D2HGDH: variants seen among roughly 807,000 people sequenced by gnomAD.
D2HGDH encodes the protein D-2-hydroxyglutarate dehydrogenase, mitochondrial.
D2HGDH carries 31 observed loss-of-function variants against 46.9 expected under a neutral mutation model. The observed-to-expected ratio is 0.66, with a 90% CI of 0.50 to 0.89. The LOEUF (loss-of-function observed/expected upper bound fraction) is 0.89, where lower values mean the gene tolerates loss of function less well. D2HGDH is among the 40% of genes least tolerant of loss of function. The pLI, the probability that D2HGDH is intolerant of heterozygous loss-of-function variation, is 0.00. For synonymous variants in D2HGDH, 364 were observed against 332.6 expected (o/e 1.09, Z -1.03); for missense variants, 698 against 720.8 (o/e 0.97, Z 0.36).
chr2:241,740,812 G>A (rs1262979410), intron 2 of D2HGDH, among the ~76,000 whole-genome samples: 3 of 152,190 alleles, frequency 2.0e-5, no homozygotes, highest in Non-Finnish European at 2.9e-5. Context: ...AGGTGTGGTG[G>A]CGGGTGCCTA....
At chr2:241,749,080 C>T in intron 6 of D2HGDH, 2 of 1,004,788 alleles carry the variant, frequency 2.0e-6, no homozygotes, top group Non-Finnish European at 2.4e-6. Context: ...TCAGCCCTGG[C>T]TCCTGCTCTC....
rs145300657 is a variant in D2HGDH, at chr2:241,767,759, G to A, written c.1356G>A (p.Ser452=). 4.0e-5 allele frequency: 65 copies of A among 1,612,556 alleles called. No homozygotes were observed. The highest frequency in any genetic ancestry group is 1.0e-4 in the Admixed American group (6 of 59,968). The change falls in exon 10 of 10, where the codon TCG becomes TCA. Residue 452 remains serine, a synonymous_variant. Transcript: ENST00000321264. ...LNVTAEAFSP[S]LLAALEPHVY... is the part of the protein sequence containing the mutation. ...TGACGGCGGAGGCCTTCAGCCCCTCGCTCCTGGCTGCCCTGGAGCCCCACG... is the reference window on the plus strand; with the variant it reads ...TGACGGCGGAGGCCTTCAGCCCCTCACTCCTGGCTGCCCTGGAGCCCCACG...
chr2:241,759,546 T>C (rs1264823942), intron 9 of D2HGDH, among the ~76,000 whole-genome samples: 2 of 152,200 alleles, frequency 1.3e-5, no homozygotes, highest in Non-Finnish European at 2.9e-5. Context: ...TCCTTAGTGA[T>C]TTAGATGTGT....
rs907792347 is a variant in D2HGDH at position 241,755,860 on chromosome 2, C to A, written c.1152C>A (p.Ala384=). Residue 384 remains alanine, a synonymous_variant, in exon 9 of 10, where the codon GCC becomes GCA. Transcript: ENST00000321264. The stretch of plus-strand genomic sequence containing the variant: ...GTCTCATCCTCTAGATGCTGTGGGC[C>A]CTGAGGGAAAGGATCACAGAGGCGC... ...TDQRKVKMLW[A]LRERITEALS... The A allele has an allele frequency of 6.2e-7, 1 of 1,612,746 alleles. No individual in the cohort carries two copies. Among genetic ancestry groups the A allele is most frequent in the Admixed American group, 1.7e-5 (1 of 60,014 alleles).
intron 6 of D2HGDH, among the ~76,000 whole-genome samples, chr2:241,746,705 A>G (rs1387000476): frequency 6.6e-6 from 1 of 152,000 alleles, no homozygotes; most frequent in African/African-American, 2.4e-5. Flanking sequence ...CTGGTCAACA[A>G]GGTGAAACCC....
At chr2:241,734,740 T>C (rs1445069749) in intron 1 of D2HGDH, 45 bp downstream of exon 1, 1 of 152,788 alleles carries the variant, frequency 6.5e-6, no homozygotes, top group Non-Finnish European at 1.4e-5. Flanking sequence ...AGGGTCCCGG[T>C]CTGCGGTTCA....
intron 2 of D2HGDH, among the ~76,000 whole-genome samples, chr2:241,739,028 G>A (rs1403519789): frequency 6.6e-6 from 1 of 152,238 alleles, no homozygotes; most frequent in Non-Finnish European, 1.5e-5. Flanking sequence ...GAGCACGCCT[G>A]CACTGGCAGG....
chr2:241,764,018 C>A (rs904931757), intron 9 of D2HGDH, among the ~76,000 whole-genome samples: 1 of 152,232 alleles, frequency 6.6e-6, no homozygotes, highest in African/African-American at 2.4e-5. Flanking sequence ...TGCCCTCCGG[C>A]CTGGGTGACA....
chr2:241,741,676 T>C (rs112960593), intron 3 of D2HGDH, among the ~76,000 whole-genome samples: 1 of 124,530 alleles, frequency 8.0e-6, no homozygotes, highest in Admixed American at 7.9e-5. Context: ...GGGCTTGCTG[T>C]CTCCAGGGTT....
chr2:241,744,920 C>T (rs373879949), intron 6 of D2HGDH, 43 bp downstream of exon 6: 23 of 1,612,338 alleles, frequency 1.4e-5, no homozygotes, highest in South Asian at 9.9e-5. Flanking sequence ...TGGTTGGGCT[C>T]GAGCGTCTGC....
At chr2:241,756,369 C>T (rs887937333) in intron 9 of D2HGDH, among the ~76,000 whole-genome samples, 2 of 152,232 alleles carry the variant, frequency 1.3e-5, no homozygotes, top group African/African-American at 2.4e-5. Flanking sequence ...TCACAGGGCC[C>T]GGCCCCGAGG....
At chr2:241,740,227 C>T (rs1365973130) in intron 2 of D2HGDH, among the ~76,000 whole-genome samples, 1 of 152,082 alleles carries the variant, frequency 6.6e-6, no homozygotes, top group Non-Finnish European at 1.5e-5. Context: ...CTGATTTGGT[C>T]TAGGATAATC....
rs770652109 is a variant in D2HGDH, at chr2:241,735,288, G to C, written c.64G>C (p.Gly22Arg). 1.3e-6 allele frequency: 2 copies of C among 1,525,678 alleles called. No homozygotes were observed. The highest frequency in any genetic ancestry group is 2.0e-5 in the Admixed American group (1 of 49,628). The allele number at this position is 1,525,678 out of a possible 1,614,324, so 94.5% of individuals were successfully genotyped here. A position where few individuals can be genotyped will look rare whatever the true frequency, so the allele number is the denominator to read the frequency against. ...WLLRGAPGAA[G>R]SWGRPVGPLA... ...GTTGCGGGGTGCTCCGGGAGCCGCGGGTTCTTGGGGTCGGCCGGTTGGCCC... is the reference window on the plus strand; with the variant it reads ...GTTGCGGGGTGCTCCGGGAGCCGCGCGTTCTTGGGGTCGGCCGGTTGGCCC... The change falls in exon 2 of 10, where the codon GGT becomes CGT. Residue 22 changes from glycine (G) to arginine (R), a missense_variant. By Grantham distance (125) the Gly-to-Arg change is moderately radical. Transcript: ENST00000321264.
rs111858483 is a variant in D2HGDH, at chr2:241,742,900, C to A, written c.490+326C>A. 7.2e-6 allele frequency among the ~76,000 whole-genome samples: 1 copy of A among 139,608 alleles called. No homozygotes were observed. Among genetic ancestry groups the A allele is most frequent in the East Asian group, 2.1e-4 (1 of 4,712 alleles). The allele number at this position is 139,608 out of a possible 152,430, so 91.6% of individuals were successfully genotyped here. A position where few individuals can be genotyped will look rare whatever the true frequency, so the allele number is the denominator to read the frequency against. ...GGCATGAGGGGATCCTGACCCAGGG[C>A]GCCAGGGCGTGGCAGGCGTGAGGGG... On this transcript the variant is annotated intron_variant, in intron 4 of 9. Coordinates refer to ENST00000321264, the MANE Select transcript of D2HGDH (RefSeq NM_152783.5). This position sits in a 1 kb window ranked among gnomAD's most constrained non-coding sequence, Gnocchi z 4.8.
At chr2:241,762,243 T>C (rs1042899153) in intron 9 of D2HGDH, among the ~76,000 whole-genome samples, 5 of 152,116 alleles carry the variant, frequency 3.3e-5, no homozygotes, top group African/African-American at 1.2e-4. Flanking sequence ...GGCTAATTTT[T>C]GCATTTTTAG....
At chr2:241,739,844 G>A (rs189725388) in intron 2 of D2HGDH, among the ~76,000 whole-genome samples, 7 of 152,342 alleles carry the variant, frequency 4.6e-5, no homozygotes, top group South Asian at 2.1e-4. Context: ...GCCCTCCCTC[G>A]TGGCAGAGTC....
chr2:241,753,070 C>T (rs1201686077), intron 8 of D2HGDH, among the ~76,000 whole-genome samples: 2 of 152,154 alleles, frequency 1.3e-5, no homozygotes. Flanking sequence ...CAGGACAGGG[C>T]CGAATGGGGC....
At chr2:241,737,816 T>A (rs914632584) in intron 2 of D2HGDH, among the ~76,000 whole-genome samples, 15 of 152,200 alleles carry the variant, frequency 9.9e-5, no homozygotes, top group African/African-American at 3.6e-4. Context: ...TGACTCTTAA[T>A]TTACAACAAA....
In D2HGDH at chr2:241,752,874, C is replaced by T. The variant is rs909267818; in HGVS notation, c.1140+1486C>T. Among the ~76,000 whole-genome samples the T allele has an allele frequency of 4.7e-5, 7 of 148,486 alleles. No individual in the cohort carries two copies. The East Asian group carries it at 1.4e-3, about 30-fold the overall frequency. On this transcript the variant is annotated intron_variant, in intron 8 of 9. Coordinates refer to ENST00000321264, the MANE Select transcript of D2HGDH (RefSeq NM_152783.5). ...CACCCCCAACCTCTCTACCAGCCCC[C>T]ATGCCACCCCCAGGGCGGGCCGTCC...
Sources: gnomAD v4.1 joint callset for allele counts (sites outside exome capture counted in the v4.1 genomes callset) on GRCh38, gnomAD v4.1.1 for gene constraint, Gnocchi (gnomAD v3.1) non-coding constraint, MANE v1.5 for transcripts, NCBI Gene and HGNC (gene_info 2026-07-23, HGNC 2026-07-21) for gene names.